DOK5: variants seen among roughly 807,000 people sequenced by gnomAD.
The protein encoded by DOK5 is docking protein 5.
A neutral mutation model predicts 43.3 loss-of-function variants in DOK5; 27 were observed. The ratio of observed to expected loss-of-function variants is 0.62; its 90% CI spans 0.46 to 0.86. The LOEUF (loss-of-function observed/expected upper bound fraction) is 0.86, where lower values mean the gene tolerates loss of function less well. Among genes scored for constraint, DOK5 ranks in the 40% least tolerant of loss-of-function variants. The pLI, the probability that DOK5 is intolerant of heterozygous loss-of-function variation, is 0.00. For missense variants in DOK5, 373 were observed against 392.9 expected (o/e 0.95, Z 0.43); for synonymous variants, 146 against 140.1 (o/e 1.04, Z -0.30).
intron 1 of DOK5, chr20:54,476,276 A>G (rs1361664944): frequency 1.1e-6 from 1 of 908,020 alleles, no homozygotes; most frequent in African/African-American, 1.8e-5. Flanking sequence ...GAGCCCATCT[A>G]CTCGAAATAA....
chr20:54,513,475 A>C (rs937981862), intron 1 of DOK5, among the ~76,000 whole-genome samples: 33 of 150,772 alleles, frequency 2.2e-4, no homozygotes, highest in Non-Finnish European at 4.3e-4. Flanking sequence ...AAAAAAAAAA[A>C]AAAAAAAAAA....
intron 1 of DOK5, among the ~76,000 whole-genome samples, chr20:54,483,698 C>T (rs1428297374): frequency 1.3e-5 from 2 of 152,198 alleles, no homozygotes; most frequent in Non-Finnish European, 2.9e-5. Context: ...TGGTGCGACC[C>T]CCCCGTTCCT....
chr20:54,524,864 G>A (rs570492874), intron 1 of DOK5, among the ~76,000 whole-genome samples: 1 of 152,278 alleles, frequency 6.6e-6, no homozygotes, highest in East Asian at 1.9e-4. Context: ...TAAAAATCAG[G>A]CCTTAAAAGG....
At chr20:54,594,846 C>T (rs1189330893) in intron 5 of DOK5, among the ~76,000 whole-genome samples, 1 of 152,108 alleles carries the variant, frequency 6.6e-6, no homozygotes, top group Non-Finnish European at 1.5e-5. Context: ...GAACACTGTA[C>T]ATATCCTGCA....
intron 2 of DOK5, among the ~76,000 whole-genome samples, chr20:54,577,100 AG>A (rs1026458986): frequency 1.5e-4 from 23 of 152,214 alleles, no homozygotes; most frequent in African/African-American, 5.3e-4. Context: ...TACTTGTTTT[AG>A]AAGCTGGAAG....
intron 1 of DOK5, among the ~76,000 whole-genome samples, chr20:54,552,411 G>A (rs778378933): frequency 6.6e-6 from 1 of 151,708 alleles, no homozygotes; most frequent in Non-Finnish European, 1.5e-5. Flanking sequence ...ATGTATTATA[G>A]ATGTAGTATA....
intron 6 of DOK5, among the ~76,000 whole-genome samples, chr20:54,617,346 T>A (rs1371109078): frequency 6.6e-6 from 1 of 152,136 alleles, no homozygotes; most frequent in Non-Finnish European, 1.5e-5. Context: ...TTCTTTTTTT[T>A]TGGAGACAGA....
At chr20:54,619,010 T>G (rs957930900) in intron 6 of DOK5, among the ~76,000 whole-genome samples, 12 of 119,906 alleles carry the variant, frequency 1.0e-4, no homozygotes, top group African/African-American at 3.5e-4. Context: ...GAACAAGACC[T>G]TGTTTCAATA....
chr20:54,628,585 C>G (rs905386076), intron 6 of DOK5, among the ~76,000 whole-genome samples: 1 of 151,912 alleles, frequency 6.6e-6, no homozygotes, highest in African/African-American at 2.4e-5. Flanking sequence ...ACGTGGTTGC[C>G]CCACGATTAT....
At chr20:54,629,865 C>G (rs555559608) in intron 6 of DOK5, among the ~76,000 whole-genome samples, 14 of 152,318 alleles carry the variant, frequency 9.2e-5, no homozygotes, top group African/African-American at 2.9e-4. Flanking sequence ...TGCCAAAGCC[C>G]TGAGGCAGTC....
Position 54,562,700 on chromosome 20 carries a change from G to A in DOK5, c.174+7660G>A, listed in dbSNP as rs1010330799. ...CCCAAAGTGCTGGGATTACAGGCAC[G>A]AGCCACTGTGCCAGGCCTCATTTGT... On this transcript the variant is annotated intron_variant, in intron 2 of 7. Transcript: ENST00000262593. Among the ~76,000 whole-genome samples, 8 of 152,124 alleles carry A rather than the reference G, an allele frequency of 5.3e-5. No homozygotes were observed. In the South Asian group the frequency reaches 6.2e-4, roughly 12 times the overall value.
rs537081257 is a variant in DOK5 at position 54,593,274 on chromosome 20, T to A, written c.599+1469T>A. On this transcript the variant is annotated intron_variant, in intron 5 of 7. Coordinates refer to ENST00000262593, the MANE Select transcript of DOK5 (RefSeq NM_018431.5). The stretch of plus-strand genomic sequence containing the variant: ...TCTGTCTCCCAGAAAAAAAAAAAAA[T>A]TACATTTTAAATAATCAAAGCCCAA... Among the ~76,000 whole-genome samples, 26 of 146,692 alleles carry A rather than the reference T, an allele frequency of 1.8e-4. No individual in the cohort carries two copies. In the South Asian group the frequency reaches 2.8e-3, roughly 16 times the overall value.
At position 54,601,335 on chromosome 20, in the gene DOK5, T is replaced by C. The variant is rs143050503; in HGVS notation, c.600-9053T>C. On this transcript the variant is annotated intron_variant, in intron 5 of 7. Transcript: ENST00000262593. ...GCACTGCTAATTCCAACCCATTTCT[T>C]ATAACTGCTATTGCAGGAAGAATGT... Among the ~76,000 whole-genome samples, 9 of 152,374 alleles carry C rather than the reference T, an allele frequency of 5.9e-5. No individual in the cohort carries two copies. In the East Asian group the frequency reaches 1.7e-3, roughly 29 times the overall value.
intron 1 of DOK5, among the ~76,000 whole-genome samples, chr20:54,484,506 T>C (rs1981849805): frequency 6.6e-6 from 1 of 152,102 alleles, no homozygotes; most frequent in African/African-American, 2.4e-5. Flanking sequence ...TTAACCACTT[T>C]CCCCCCAATG....
intron 2 of DOK5, among the ~76,000 whole-genome samples, chr20:54,585,967 CA>C (rs1162442276): frequency 6.6e-6 from 1 of 152,012 alleles, no homozygotes; most frequent in East Asian, 1.9e-4. Flanking sequence ...ACTAAAAATA[CA>C]AAAAAATTAG....
rs574080946 is a variant in DOK5 at position 54,522,862 on chromosome 20, T to C, written c.67-32071T>C. Among the ~76,000 whole-genome samples the C allele has an allele frequency of 2.0e-5, 3 of 152,282 alleles. No individual in the cohort carries two copies. The South Asian group carries it at 6.2e-4, about 32-fold the overall frequency. On this transcript the variant is annotated intron_variant, in intron 1 of 7. Transcript: ENST00000262593. ...TTCTGGTTGGATTTTTACTTTTTCA[T>C]GATACTTTGTTTTACTTCTTTTTCT...
chr20:54,599,741 C>G (rs1986249894), intron 5 of DOK5, among the ~76,000 whole-genome samples: 3 of 152,134 alleles, frequency 2.0e-5, no homozygotes, highest in Admixed American at 2.0e-4. Context: ...TTTGTGATTA[C>G]TTTATATGAG....
At chr20:54,604,400 C>T (rs541796908) in intron 5 of DOK5, among the ~76,000 whole-genome samples, 5 of 151,910 alleles carry the variant, frequency 3.3e-5, no homozygotes, top group Admixed American at 1.3e-4. Flanking sequence ...ATTTTCCCAA[C>T]GCTGACACCC....
intron 6 of DOK5, among the ~76,000 whole-genome samples, chr20:54,642,549 C>CAAAAAAAAAAAAA (rs66463305): frequency 5.2e-4 from 50 of 96,094 alleles, no homozygotes; most frequent in South Asian, 7.8e-4. Context: ...ACTAAAAATA[C>CAAAAAAAAAAAAA]AAAAAAAAAA....
Sources: allele counts gnomAD v4.1 joint callset (sites outside exome capture counted in the v4.1 genomes callset), GRCh38; gene constraint gnomAD v4.1.1; transcripts MANE v1.5; gene names NCBI Gene and HGNC (gene_info 2026-07-23, HGNC 2026-07-21).